Variants in ANKS1B observed in about 807,000 individuals in gnomAD.
ANKS1B encodes the protein ankyrin repeat and sterile alpha motif domain containing 1B, also known as ankyrin repeat and sterile alpha motif domain-containing protein 1B.
In ANKS1B, 36 loss-of-function variants were observed where a neutral mutation model predicts 148.3. The ratio of observed to expected loss-of-function variants is 0.24; its 90% CI spans 0.19 to 0.32. The LOEUF (loss-of-function observed/expected upper bound fraction) is 0.32, where lower values mean the gene tolerates loss of function less well. ANKS1B is among the 10% of genes least tolerant of loss of function. The pLI is 1.00. For synonymous variants in ANKS1B, 542 were observed against 560.8 expected (o/e 0.97, Z 0.47); for missense variants, 1,157 against 1,542.6 (o/e 0.75, Z 4.19).
At chr12:98,945,930 T>C in intron 17 of ANKS1B, among the ~76,000 whole-genome samples, 1 of 152,224 alleles carries the variant, frequency 6.6e-6, no homozygotes, top group African/African-American at 2.4e-5. Context: ...CCTCTCTTTG[T>C]CTGTCTGGCT....
chr12:99,576,251 A>T (rs1020788024), intron 9 of ANKS1B, among the ~76,000 whole-genome samples: 6 of 149,188 alleles, frequency 4.0e-5, no homozygotes, highest in Non-Finnish European at 9.0e-5. Flanking sequence ...CTTATAAAAC[A>T]AATTATTACA....
chr12:98,785,371 G>A (rs566572261), intron 22 of ANKS1B, among the ~76,000 whole-genome samples: 8 of 152,276 alleles, frequency 5.3e-5, no homozygotes, highest in East Asian at 1.9e-4. Flanking sequence ...TCAGGAGGCC[G>A]AGGCAGTAGA....
chr12:99,039,466 T>G (rs2099957544), intron 17 of ANKS1B, among the ~76,000 whole-genome samples: 1 of 152,210 alleles, frequency 6.6e-6, no homozygotes, highest in Non-Finnish European at 1.5e-5. Context: ...CGAAGTCAGG[T>G]CTTCAAGGAG....
chr12:99,188,292 G>A (rs549478846), intron 14 of ANKS1B, among the ~76,000 whole-genome samples: 236 of 152,050 alleles, frequency 1.6e-3, no homozygotes, highest in African/African-American at 3.8e-3. Flanking sequence ...TCAATGAGAC[G>A]GAAAATTAAC....
chr12:99,916,649 A>G (rs2094150927), intron 1 of ANKS1B, among the ~76,000 whole-genome samples: 1 of 152,240 alleles, frequency 6.6e-6, no homozygotes, highest in Non-Finnish European at 1.5e-5. Context: ...GGCCCAAATA[A>G]TAAATCAGAA....
chr12:99,935,753 C>T (rs1236384981), intron 1 of ANKS1B, among the ~76,000 whole-genome samples: 1 of 152,004 alleles, frequency 6.6e-6, no homozygotes, highest in Non-Finnish European at 1.5e-5. Context: ...TAGATCAGGC[C>T]CACCCAGATA....
chr12:98,917,053 C>A (rs544202027), intron 17 of ANKS1B, among the ~76,000 whole-genome samples: 3 of 151,818 alleles, frequency 2.0e-5, no homozygotes, highest in Non-Finnish European at 4.4e-5. Flanking sequence ...CTCCACCTCC[C>A]GGGCTCAAGT....
rs150596281 is a variant in ANKS1B, at chr12:98,930,932, C to T, written c.2779-98796G>A. Among the ~76,000 whole-genome samples, 371 of 152,128 alleles carry T rather than the reference C, an allele frequency of 2.4e-3. 3 individuals are homozygous for T. In the East Asian group the frequency reaches 0.046, roughly 19 times the overall value. ...AAAAAATAATGTGGTGTAAATCTGGCCACTCATGGTTTTCACCTCCCTTTT... is the reference window on the plus strand; with the variant it reads ...AAAAAATAATGTGGTGTAAATCTGGTCACTCATGGTTTTCACCTCCCTTTT... On this transcript the variant is annotated intron_variant, in intron 17 of 26. Coordinates refer to ENST00000683438, the MANE Select transcript of ANKS1B (RefSeq NM_001352186.2).
chr12:99,726,781 C>T (rs2058661992), intron 8 of ANKS1B, among the ~76,000 whole-genome samples: 1 of 152,124 alleles, frequency 6.6e-6, no homozygotes, highest in Non-Finnish European at 1.5e-5. Flanking sequence ...CATTGGAAAA[C>T]TTATCCACCA....
At chr12:99,920,674 G>C (rs1294680590) in intron 1 of ANKS1B, among the ~76,000 whole-genome samples, 4 of 152,096 alleles carry the variant, frequency 2.6e-5, no homozygotes. Flanking sequence ...CTAAAGGCCT[G>C]AGAACTAGGG....
chr12:99,625,598 A>G (rs1296571367), intron 9 of ANKS1B, among the ~76,000 whole-genome samples: 1 of 152,192 alleles, frequency 6.6e-6, no homozygotes, highest in East Asian at 1.9e-4. Context: ...TGATAAGAAT[A>G]GTAGTTGTCC....
chr12:98,948,194 C>T (rs1269548313), intron 17 of ANKS1B, among the ~76,000 whole-genome samples: 1 of 152,186 alleles, frequency 6.6e-6, no homozygotes, highest in Non-Finnish European at 1.5e-5. Context: ...TCTGTCTTCT[C>T]TGTATCTTTC....
chr12:98,976,656 T>C (rs1051473608), intron 17 of ANKS1B: 3 of 152,156 alleles, frequency 2.0e-5, no homozygotes, highest in Non-Finnish European at 4.4e-5. Flanking sequence ...CAGATGCATT[T>C]CCAGATAAAC....
intron 17 of ANKS1B, among the ~76,000 whole-genome samples, chr12:98,950,369 C>T (rs543055677): frequency 6.6e-6 from 1 of 152,108 alleles, no homozygotes; most frequent in South Asian, 2.1e-4. Context: ...TGGTGGTGCC[C>T]GCCTGTAATC....
At chr12:99,940,646 T>C (rs899379976) in intron 1 of ANKS1B, among the ~76,000 whole-genome samples, 1 of 152,080 alleles carries the variant, frequency 6.6e-6, no homozygotes. Flanking sequence ...TACTTAACGC[T>C]TCCAACTTGC....
At chr12:98,902,328 C>T (rs1009340826) in intron 17 of ANKS1B, among the ~76,000 whole-genome samples, 4 of 152,196 alleles carry the variant, frequency 2.6e-5, no homozygotes, top group African/African-American at 9.7e-5. Context: ...CCTCATCCTT[C>T]CCACACCTTT....
chr12:98,753,537 C>T (rs2098149518), intron 25 of ANKS1B, among the ~76,000 whole-genome samples: 1 of 152,150 alleles, frequency 6.6e-6, no homozygotes, highest in African/African-American at 2.4e-5. Context: ...AAGTAATTCT[C>T]CTGCCTCAGC....
intron 4 of ANKS1B, among the ~76,000 whole-genome samples, chr12:99,795,562 G>A (rs1364495080): frequency 1.3e-5 from 2 of 151,934 alleles, no homozygotes; most frequent in East Asian, 3.9e-4. Context: ...GATAAATAAA[G>A]AGAATGGTTA....
intron 4 of ANKS1B, among the ~76,000 whole-genome samples, chr12:99,798,433 A>AAC (rs1555618342): frequency 6.4e-4 from 93 of 145,062 alleles, no homozygotes; most frequent in African/African-American, 1.7e-3. Flanking sequence ...TAAAAAAAAA[A>AAC]AAAAAAAAAA....
Sources: allele counts gnomAD v4.1 joint callset (sites outside exome capture counted in the v4.1 genomes callset), GRCh38; gene constraint gnomAD v4.1.1; transcripts MANE v1.5; gene names NCBI Gene and HGNC (gene_info 2026-07-23, HGNC 2026-07-21).